Variants in NDFIP1 observed in about 807,000 individuals in gnomAD.
The protein encoded by NDFIP1 is NEDD4 family-interacting protein 1.
A neutral mutation model predicts 28.8 loss-of-function variants in NDFIP1; 7 were observed. That is an observed-to-expected ratio of 0.24 (90% confidence interval 0.14 to 0.46). The LOEUF is 0.46. Ranked by LOEUF, NDFIP1 falls within the 20% of genes least tolerant of loss-of-function variation. The probability of loss-of-function intolerance (pLI) is 0.99; values close to 1 mark genes in which losing one functional copy is unlikely to be tolerated. For missense variants in NDFIP1, 194 were observed against 269.1 expected, an observed-to-expected ratio of 0.72 and a Z score of 1.95; for synonymous variants, 92 against 101.0, an observed-to-expected ratio of 0.91 and a Z score of 0.53.
chr5:142,136,393 G>A (rs1033161535), intron 4 of NDFIP1, among the ~76,000 whole-genome samples: 5 of 152,098 alleles, frequency 3.3e-5, no homozygotes, highest in South Asian at 4.1e-4. Context: ...TTATTTGGGG[G>A]CACTTATTTA....
chr5:142,154,240 T>G lies in NDFIP1; in HGVS notation c.*2512T>G, dbSNP rs1415924430. 2.6e-5 allele frequency: 4 copies of G among 152,352 alleles called. No individual in the cohort carries two copies. Among genetic ancestry groups the G allele is most frequent in the Non-Finnish European group, 5.9e-5 (4 of 68,030 alleles). The allele number at this position is 152,352 out of a possible 1,614,324, so 9.4% of individuals were successfully genotyped here. A position where few individuals can be genotyped will look rare whatever the true frequency, so the allele number is the denominator to read the frequency against. ...ATTTACTTAAGGTTATGGAGTAAAC[T>G]AGCTTGGACCTTGGGCTGCAGGACG... is the stretch of plus-strand genomic sequence containing the variant. On this transcript the variant is annotated 3_prime_UTR_variant, in exon 8 of 8. Transcript: ENST00000253814.
chr5:142,127,632 G>C (rs901708153), intron 1 of NDFIP1, among the ~76,000 whole-genome samples: 2 of 152,134 alleles, frequency 1.3e-5, no homozygotes, highest in Non-Finnish European at 2.9e-5. Flanking sequence ...GTAGGTAATT[G>C]TATAGCTGTA....
chr5:142,110,133 A>G (rs906810047), intron 1 of NDFIP1, among the ~76,000 whole-genome samples: 6 of 152,266 alleles, frequency 3.9e-5, no homozygotes, highest in Admixed American at 1.3e-4. Flanking sequence ...TTGTTTTGCT[A>G]TCATCAGCCA....
rs56071350 is a variant in NDFIP1 at position 142,130,120 on chromosome 5, C to T, written c.64-1688C>T. Among the ~76,000 whole-genome samples, 670 of 152,190 alleles carry T rather than the reference C, an allele frequency of 4.4e-3. 7 individuals carry two copies. Among genetic ancestry groups the T allele is most frequent in the African/African-American group, 0.016 (647 of 41,508 alleles). Reference sequence around the variant, plus strand: ...TACCGAAGCCAGGACCAGACCCCTACGTCAGTTATATCACTAAATATTCTG... The same window carrying T: ...TACCGAAGCCAGGACCAGACCCCTATGTCAGTTATATCACTAAATATTCTG... On this transcript the variant is annotated intron_variant, in intron 1 of 7. Coordinates refer to ENST00000253814, the MANE Select transcript of NDFIP1 (RefSeq NM_030571.4).
At chr5:142,114,990 T>C (rs1757050771) in intron 1 of NDFIP1, among the ~76,000 whole-genome samples, 1 of 152,194 alleles carries the variant, frequency 6.6e-6, no homozygotes, top group Non-Finnish European at 1.5e-5. Flanking sequence ...GTTGAACTGC[T>C]CTAGGGAATT....
Position 142,108,942 on chromosome 5 carries a change from C to T in NDFIP1, c.-33C>T. On this transcript the variant is annotated 5_prime_UTR_variant, in exon 1 of 8. Transcript: ENST00000253814. ...GCCGCGCCCCTTCAGCTAGCTCGCT[C>T]GCTCGCTCTGCTTCCCTGCTGCCGG... 2 of 1,425,988 alleles carry T rather than the reference C, an allele frequency of 1.4e-6. No homozygotes were observed. Among genetic ancestry groups the T allele is most frequent in the Non-Finnish European group, 1.8e-6 (2 of 1,091,990 alleles). The allele number at this position is 1,425,988 out of a possible 1,614,324, so 88.3% of individuals were successfully genotyped here.
chr5:142,140,048 A>T (rs1757312402), intron 5 of NDFIP1, among the ~76,000 whole-genome samples: 3 of 152,236 alleles, frequency 2.0e-5, no homozygotes, highest in African/African-American at 7.2e-5. Flanking sequence ...TTTCCTTGAA[A>T]GGAAATAGAT....
At position 142,120,060 on chromosome 5, in the gene NDFIP1, A is replaced by G. The variant is rs190646187; in HGVS notation, c.63+11023A>G. Reference sequence around the variant, plus strand: ...AATCTCTGCCTCCCGGGTTGAAGCAATTCTCCTGCCTCAGCCTCCCGAGTA... The same window carrying G: ...AATCTCTGCCTCCCGGGTTGAAGCAGTTCTCCTGCCTCAGCCTCCCGAGTA... On this transcript the variant is annotated intron_variant, in intron 1 of 7. Transcript: ENST00000253814. 8.5e-3 allele frequency among the ~76,000 whole-genome samples: 1,291 copies of G among 152,244 alleles called. 19 individuals are homozygous for G. Among genetic ancestry groups the G allele is most frequent in the African/African-American group, 0.029 (1,208 of 41,532 alleles).
Position 142,135,894 on chromosome 5 carries a change from A to T in NDFIP1, c.370+77A>T. 3.9e-6 allele frequency: 4 copies of T among 1,015,002 alleles called. No individual in the cohort carries two copies. In the Admixed American group the frequency reaches 7.5e-5, roughly 19 times the overall value. The allele number at this position is 1,015,002 out of a possible 1,614,324, so 62.9% of individuals were successfully genotyped here. On this transcript the variant is annotated intron_variant, in intron 4 of 7. Transcript: ENST00000253814. The stretch of plus-strand genomic sequence containing the variant: ...ATTATGGGTGAATCTGACTGAATTA[A>T]AATAACTAGTTGAGCTAATATATTA...
intron 1 of NDFIP1, among the ~76,000 whole-genome samples, chr5:142,114,117 G>A (rs1302046834): frequency 6.6e-6 from 1 of 152,044 alleles, no homozygotes; most frequent in Non-Finnish European, 1.5e-5. Context: ...TTAAGTTTTC[G>A]AGAAACTCCC....
chr5:142,148,579 C>A (rs564771729), intron 7 of NDFIP1, among the ~76,000 whole-genome samples: 1 of 151,666 alleles, frequency 6.6e-6, no homozygotes, highest in African/African-American at 2.4e-5. Context: ...GACAAAACCC[C>A]GTCTCTACTA....
At chr5:142,143,517 C>T (rs1757356956) in intron 6 of NDFIP1, 1 of 147,324 alleles carries the variant, frequency 6.8e-6, no homozygotes, top group Non-Finnish European at 1.5e-5. Flanking sequence ...CACTGAGTAT[C>T]CCAGTAAAAG....
intron 7 of NDFIP1, among the ~76,000 whole-genome samples, chr5:142,147,246 G>A (rs1270243876): frequency 6.6e-6 from 1 of 152,256 alleles, no homozygotes; most frequent in Non-Finnish European, 1.5e-5. Context: ...GATCCCCAGA[G>A]GGAACCTGAA....
At chr5:142,114,025 C>T (rs1481576350) in intron 1 of NDFIP1, among the ~76,000 whole-genome samples, 1 of 152,174 alleles carries the variant, frequency 6.6e-6, no homozygotes, top group Non-Finnish European at 1.5e-5. Context: ...CATGAGTCTA[C>T]AAATATCTTT....
intron 7 of NDFIP1, among the ~76,000 whole-genome samples, chr5:142,145,120 C>T (rs1441941419): frequency 6.6e-6 from 1 of 152,206 alleles, no homozygotes; most frequent in Non-Finnish European, 1.5e-5. Flanking sequence ...CTCCTTTTGT[C>T]TGGGCTGCTG....
At chr5:142,127,896 C>CA (rs1227526879) in intron 1 of NDFIP1, among the ~76,000 whole-genome samples, 5 of 152,168 alleles carry the variant, frequency 3.3e-5, no homozygotes, top group African/African-American at 1.2e-4. Flanking sequence ...GCAGAGGTTG[C>CA]AGTGAGCCAA....
chr5:142,111,135 C>T (rs963249354), intron 1 of NDFIP1, among the ~76,000 whole-genome samples: 1 of 151,576 alleles, frequency 6.6e-6, no homozygotes, highest in Non-Finnish European at 1.5e-5. Context: ...TTATGAGCCC[C>T]GATCATACTT....
intron 5 of NDFIP1, chr5:142,138,324 A>G (rs1757295388): frequency 6.5e-6 from 1 of 153,254 alleles, no homozygotes; most frequent in African/African-American, 2.4e-5. Context: ...TGGGGAGCCA[A>G]AACTGTTTAA....
At chr5:142,137,432 G>A (rs1013568588) in intron 4 of NDFIP1, among the ~76,000 whole-genome samples, 10 of 152,100 alleles carry the variant, frequency 6.6e-5, no homozygotes, top group Non-Finnish European at 1.5e-4. Flanking sequence ...ATCCTCCAAC[G>A]TTGGCCTCCC....
Sources: gnomAD v4.1 joint callset for allele counts (sites outside exome capture counted in the v4.1 genomes callset) on GRCh38, gnomAD v4.1.1 for gene constraint, MANE v1.5 for transcripts, NCBI Gene and HGNC (gene_info 2026-07-23, HGNC 2026-07-21) for gene names.